Variants in ATP2C1 observed in about 807,000 individuals in gnomAD.
ATP2C1 encodes the protein calcium-transporting ATPase type 2C member 1.
In ATP2C1, 31 loss-of-function variants were observed where a neutral mutation model predicts 120.5. The observed-to-expected ratio is 0.26, with a 90% CI of 0.19 to 0.35. ATP2C1 has a LOEUF of 0.35. Ranked by LOEUF, ATP2C1 falls within the 10% of genes least tolerant of loss-of-function variation. The pLI is 1.00. For synonymous variants in ATP2C1, 351 were observed against 358.7 expected (o/e 0.98, Z 0.24); for missense variants, 731 against 1,107.5 (o/e 0.66, Z 4.83).
In ATP2C1 at chr3:131,002,359, C is replaced by T. The variant is rs1279053647; in HGVS notation, c.*1009C>T. 12 of 985,204 alleles carry T rather than the reference C, an allele frequency of 1.2e-5. No individual in the cohort carries two copies. The highest frequency in any genetic ancestry group is 4.7e-5 in the South Asian group (1 of 21,294). 61.0% of individuals were successfully genotyped at this position (985,204 alleles called of 1,614,324 possible). On this transcript the variant is annotated 3_prime_UTR_variant, in exon 28 of 28. Transcript: ENST00000510168. Reference sequence around the variant, plus strand: ...AGAATAAAAAGTCCCCAAACCCAAACAAATGGTTTATGAACCAGAGTATAT... The same window carrying T: ...AGAATAAAAAGTCCCCAAACCCAAATAAATGGTTTATGAACCAGAGTATAT...
At chr3:131,016,145 G>C (rs764105911) in intron 26 of ATP2C1, 1 of 1,613,342 alleles carries the variant, frequency 6.2e-7, no homozygotes, top group African/African-American at 1.3e-5. Flanking sequence ...GGTGCTTACC[G>C]AGTTAGGTCT....
chr3:130,874,362 T>C (rs1051916174), intron 1 of ATP2C1, among the ~76,000 whole-genome samples: 4 of 152,228 alleles, frequency 2.6e-5, no homozygotes, highest in Non-Finnish European at 4.4e-5. Flanking sequence ...GACACACTTC[T>C]TATTCAGTTT....
chr3:130,915,109 CT>C (rs935449651), intron 2 of ATP2C1, among the ~76,000 whole-genome samples: 2 of 151,366 alleles, frequency 1.3e-5, no homozygotes, highest in African/African-American at 4.8e-5. Context: ...TTTTCCCCCC[CT>C]TGAGACGATG....
chr3:130,894,162 C>CCCCCCCAAAA lies in ATP2C1; in HGVS notation c.-356_-355insCCCCCCAAAA. ...CCTCCTCTTCTCTCCCCTCCCCGCC[C>CCCCCCCAAAA]GCCCTCTCTCCCTCCCTTCCTCCCT... On this transcript the variant is annotated 5_prime_UTR_variant, in exon 1 of 28. Transcript: ENST00000510168. This position sits in a 1 kb window ranked among gnomAD's most constrained non-coding sequence, Gnocchi z 4.5. The CCCCCCCAAAA allele has an allele frequency of 4.1e-6, 3 of 733,878 alleles. No individual in the cohort carries two copies. The highest frequency in any genetic ancestry group is 5.0e-6 in the Non-Finnish European group (3 of 600,198). The allele number at this position is 733,878 out of a possible 1,614,324, so 45.5% of individuals were successfully genotyped here.
At chr3:130,977,013 C>A (rs1005394007) in intron 18 of ATP2C1, among the ~76,000 whole-genome samples, 1 of 152,180 alleles carries the variant, frequency 6.6e-6, no homozygotes, top group South Asian at 2.1e-4. Context: ...TCCCCTTACA[C>A]TCCTCAACTT....
At chr3:130,926,652 A>G (rs1425227442) in intron 2 of ATP2C1, among the ~76,000 whole-genome samples, 1 of 152,236 alleles carries the variant, frequency 6.6e-6, no homozygotes, top group South Asian at 2.1e-4. Context: ...AAGTTTTTCT[A>G]CTAAGGCTAG....
At chr3:130,921,372 G>A (rs1460198986) in intron 2 of ATP2C1, among the ~76,000 whole-genome samples, 2 of 152,144 alleles carry the variant, frequency 1.3e-5, no homozygotes, top group Non-Finnish European at 1.5e-5. Flanking sequence ...ATGGGCCACT[G>A]TGCCTGGCCC....
chr3:131,014,510 T>A, intron 26 of ATP2C1: 2 of 907,920 alleles, frequency 2.2e-6, no homozygotes, highest in Non-Finnish European at 3.2e-6. Context: ...TCTATAATAT[T>A]ATCGAAATTA....
intron 8 of ATP2C1, among the ~76,000 whole-genome samples, chr3:130,944,396 G>C (rs1239992472): frequency 6.6e-6 from 1 of 152,228 alleles, no homozygotes; most frequent in African/African-American, 2.4e-5. Context: ...ACGGAGGCTG[G>C]AAGTTCAAGG....
At position 130,980,559 on chromosome 3, in the gene ATP2C1, A is replaced by G. The variant is rs758304223; in HGVS notation, c.1742-23A>G. 5 of 1,583,728 alleles carry G rather than the reference A, an allele frequency of 3.2e-6. No individual in the cohort carries two copies. In the South Asian group the frequency reaches 3.3e-5, roughly 11 times the overall value. ...AAGCAAAAACAATTTGGTTTATTAC[A>G]TTTTCTCTCTCATTTGCTTTAGCCA... is the stretch of plus-strand genomic sequence containing the variant. On this transcript the variant is annotated intron_variant, in intron 19 of 27. Transcript: ENST00000510168.
intron 5 of ATP2C1, among the ~76,000 whole-genome samples, chr3:130,936,639 C>T (rs567986627): frequency 3.1e-4 from 47 of 151,442 alleles, no homozygotes; most frequent in South Asian, 1.0e-3. Flanking sequence ...GGTGAAACCC[C>T]GTCTCTACTA....
intron 2 of ATP2C1, among the ~76,000 whole-genome samples, chr3:130,911,267 T>C (rs2058395779): frequency 6.8e-6 from 1 of 147,204 alleles, no homozygotes; most frequent in South Asian, 2.2e-4. Flanking sequence ...TGATGGTAGT[T>C]TGTATTTCTG....
intron 1 of ATP2C1, among the ~76,000 whole-genome samples, chr3:130,866,902 T>C (rs552871048): frequency 2.6e-5 from 4 of 152,384 alleles, no homozygotes; most frequent in African/African-American, 4.8e-5. Flanking sequence ...CAACCTTGCA[T>C]TGAGGAAGTT....
chr3:130,945,191 T>G (rs2060092043), intron 8 of ATP2C1, among the ~76,000 whole-genome samples: 1 of 150,806 alleles, frequency 6.6e-6, no homozygotes, highest in South Asian at 2.1e-4. Context: ...ATGTTATTTG[T>G]TTTTTTTTCC....
At chr3:130,871,399 T>C (rs1165699193) in intron 1 of ATP2C1, among the ~76,000 whole-genome samples, 2 of 152,256 alleles carry the variant, frequency 1.3e-5, no homozygotes, top group Non-Finnish European at 2.9e-5. Flanking sequence ...AAAGGACTAA[T>C]TAAAACAGAA....
chr3:130,897,911 A>G (rs891574218), intron 2 of ATP2C1, among the ~76,000 whole-genome samples: 1 of 152,194 alleles, frequency 6.6e-6, no homozygotes, highest in East Asian at 1.9e-4. Context: ...TTGTTTTTAC[A>G]TGTTTATCAC....
At chr3:130,886,762 T>G (rs2068982987) in intron 1 of ATP2C1, among the ~76,000 whole-genome samples, 1 of 152,348 alleles carries the variant, frequency 6.6e-6, no homozygotes, top group East Asian at 1.9e-4. Flanking sequence ...ATCTTGAATT[T>G]CTTTGAGTTT....
intron 26 of ATP2C1, chr3:131,015,994 A>T: frequency 2.1e-6 from 2 of 957,820 alleles, no homozygotes. Context: ...CTTCAGCTGT[A>T]ACAGTGACTC....
At chr3:130,967,106 G>A (rs1213565070) in intron 14 of ATP2C1, 39 bp from the exon 15 acceptor site, 1 of 1,466,984 alleles carries the variant, frequency 6.8e-7, no homozygotes, top group Non-Finnish European at 9.6e-7. Flanking sequence ...CCAAGTGTTT[G>A]TAGTGTTTGT....
Sources: gnomAD v4.1 joint callset for allele counts (sites outside exome capture counted in the v4.1 genomes callset) on GRCh38, gnomAD v4.1.1 for gene constraint, Gnocchi (gnomAD v3.1) non-coding constraint, MANE v1.5 for transcripts, NCBI Gene and HGNC (gene_info 2026-07-23, HGNC 2026-07-21) for gene names.